Variants in GNG2 observed in about 807,000 individuals in gnomAD.
The protein encoded by GNG2 is guanine nucleotide-binding protein G(I)/G(S)/G(O) subunit gamma-2.
Under a neutral mutation model 5.5 loss-of-function variants are expected in GNG2, and 5 were observed. The observed-to-expected ratio is 0.91, with a 90% confidence interval of 0.48 to 1.92. GNG2 has a LOEUF of 1.92. GNG2 is among the 30% of genes most tolerant of loss of function. The pLI is 0.01. For missense variants in GNG2, 55 were observed against 88.4 expected (o/e 0.62, Z 1.52); for synonymous variants, 28 against 32.0 (o/e 0.88, Z 0.42).
At chr14:51,865,706 T>C (rs1476815269) in intron 1 of GNG2, among the ~76,000 whole-genome samples, 2 of 152,126 alleles carry the variant, frequency 1.3e-5, no homozygotes, top group Non-Finnish European at 2.9e-5. Context: ...ACTAAAATAT[T>C]TTGTTTAAAA....
At chr14:51,826,959 T>G (rs1354212918) in intron 1 of GNG2, among the ~76,000 whole-genome samples, 1 of 152,144 alleles carries the variant, frequency 6.6e-6, no homozygotes, top group African/African-American at 2.4e-5. Flanking sequence ...AGAAGATAAG[T>G]TGACACAGAT....
intron 1 of GNG2, among the ~76,000 whole-genome samples, chr14:51,871,219 G>T (rs547138968): frequency 8.4e-4 from 128 of 151,814 alleles, no homozygotes; most frequent in African/African-American, 3.0e-3. Context: ...TAGGCATTAA[G>T]GCATTTCATT....
intron 2 of GNG2, among the ~76,000 whole-genome samples, chr14:51,885,321 C>T (rs946828311): frequency 2.6e-5 from 4 of 151,068 alleles, no homozygotes; most frequent in African/African-American, 9.8e-5. Context: ...ATGGTATTCA[C>T]TGATATGTCA....
At chr14:51,864,085 C>T (rs897673601) in intron 1 of GNG2, among the ~76,000 whole-genome samples, 3 of 152,200 alleles carry the variant, frequency 2.0e-5, no homozygotes, top group Admixed American at 6.5e-5. Flanking sequence ...AATTGCCATA[C>T]TGTTTTCCAT....
chr14:51,955,479 T>G (rs1378878282), intron 3 of GNG2, among the ~76,000 whole-genome samples: 2 of 152,360 alleles, frequency 1.3e-5, no homozygotes, highest in African/African-American at 4.8e-5. Context: ...AAGACCATGT[T>G]GTCTACTTGT....
At chr14:51,921,623 G>T (rs138061565) in intron 2 of GNG2, among the ~76,000 whole-genome samples, 1 of 152,108 alleles carries the variant, frequency 6.6e-6, no homozygotes, top group African/African-American at 2.4e-5. Context: ...CCTGAGGATG[G>T]GGTGCACACA....
chr14:51,920,453 A>C (rs1014640031), intron 2 of GNG2, among the ~76,000 whole-genome samples: 3 of 151,968 alleles, frequency 2.0e-5, no homozygotes, highest in African/African-American at 7.2e-5. Context: ...GTCTGTACAT[A>C]TTCAGTACAG....
chr14:51,879,739 G>A (rs1284570203), intron 2 of GNG2, among the ~76,000 whole-genome samples: 1 of 152,140 alleles, frequency 6.6e-6, no homozygotes, highest in East Asian at 1.9e-4. Context: ...AAGGTTCTCT[G>A]ATTTTTTAAG....
chr14:51,921,571 G>A (rs1887017059), intron 2 of GNG2, among the ~76,000 whole-genome samples: 2 of 152,162 alleles, frequency 1.3e-5, no homozygotes, highest in Admixed American at 6.5e-5. Context: ...CATGCCCACA[G>A]GGACTCTCTT....
upstream of GNG2, among the ~76,000 whole-genome samples, chr14:51,857,803 G>T (rs545483418): frequency 5.9e-5 from 9 of 152,142 alleles, no homozygotes; most frequent in Non-Finnish European, 1.3e-4. Flanking sequence ...CAACTGGTTT[G>T]TATTCCTCAT....
At chr14:51,939,852 T>C (rs919004439) in intron 2 of GNG2, 2 of 152,212 alleles carry the variant, frequency 1.3e-5, no homozygotes, top group African/African-American at 4.8e-5. Context: ...ATCAGTCTGG[T>C]GCCTCTGAAA....
chr14:51,841,382 T>C (rs1881476696), intron 2 of GNG2: 2 of 506,562 alleles, frequency 3.9e-6, no homozygotes, highest in Non-Finnish European at 7.1e-6. Flanking sequence ...GGGAACCCTA[T>C]GTTTAGAGGC....
chr14:51,966,231 A>AAAAAAAAAAAG lies in GNG2; in HGVS notation c.88-322_88-321insAAAAGAAAAAA, dbSNP rs61013183. 4.6e-5 allele frequency among the ~76,000 whole-genome samples: 5 copies of AAAAAAAAAAAG among 108,488 alleles called. 1 individual carries two copies. The highest frequency in any genetic ancestry group is 1.0e-4 in the Non-Finnish European group (5 of 50,200). 71.2% of individuals were successfully genotyped at this position (108,488 alleles called of 152,430 possible). ...TCTCAAAAAAAAAAAAAAAAAAAAA[A>AAAAAAAAAAAG]AAAAAACAAATGAAGGAGACAGCCA... On this transcript the variant is annotated intron_variant, in intron 3 of 3. Coordinates refer to ENST00000556766, the MANE Select transcript of GNG2 (RefSeq NM_053064.5).
intron 2 of GNG2, among the ~76,000 whole-genome samples, chr14:51,842,451 T>G (rs969141080): frequency 6.6e-6 from 1 of 152,204 alleles, no homozygotes; most frequent in Non-Finnish European, 1.5e-5. Flanking sequence ...GAATTTCTTT[T>G]GCAGCAGCCG....
At position 51,937,623 on chromosome 14, in the gene GNG2, ATTT is replaced by A. The variant is rs60571273; in HGVS notation, c.-29-13014_-29-13012del. ...TATTTCTTTACAAAAGAAATACATA[ATTT>A]TTTTTTTTTTTTATTATACTCTAAG... On this transcript the variant is annotated intron_variant, in intron 2 of 3. Transcript: ENST00000556766. Among the ~76,000 whole-genome samples the A allele has an allele frequency of 4.2e-3, 559 of 133,600 alleles. 84 individuals carry two copies. The highest frequency in any genetic ancestry group is 0.016 in the African/African-American group (512 of 32,274). 87.6% of individuals were successfully genotyped at this position (133,600 alleles called of 152,430 possible).
intron 2 of GNG2, among the ~76,000 whole-genome samples, chr14:51,841,262 C>T (rs972547401): frequency 6.6e-6 from 1 of 152,200 alleles, no homozygotes; most frequent in African/African-American, 2.4e-5. Flanking sequence ...TGTGAATCAG[C>T]TGCAACAGGC....
intron 1 of GNG2, among the ~76,000 whole-genome samples, chr14:51,827,208 C>T (rs1881052411): frequency 6.6e-6 from 1 of 152,186 alleles, no homozygotes; most frequent in Admixed American, 6.5e-5. Flanking sequence ...GCACAGATGT[C>T]AATACTCTTT....
intron 2 of GNG2, among the ~76,000 whole-genome samples, chr14:51,928,423 T>C (rs1230481322): frequency 6.6e-6 from 1 of 152,206 alleles, no homozygotes; most frequent in Non-Finnish European, 1.5e-5. Flanking sequence ...CAAATAGTTT[T>C]CTAGAGGCAC....
chr14:51,965,772 C>G (rs1889856703), intron 3 of GNG2, among the ~76,000 whole-genome samples: 1 of 152,078 alleles, frequency 6.6e-6, no homozygotes, highest in African/African-American at 2.4e-5. Context: ...AGCAGAGAGT[C>G]ACGACTACAA....
Sources: allele counts gnomAD v4.1 joint callset (sites outside exome capture counted in the v4.1 genomes callset), GRCh38; gene constraint gnomAD v4.1.1; transcripts MANE v1.5; gene names NCBI Gene and HGNC (gene_info 2026-07-23, HGNC 2026-07-21).